The following LYPLAL1 variants were observed in gnomAD, a reference collection of about 807,000 sequenced individuals.
LYPLAL1 encodes the protein lysophospholipase like 1.
In LYPLAL1, 23 loss-of-function variants were observed where a neutral mutation model predicts 19.7. The ratio of observed to expected loss-of-function variants is 1.17; its 90% CI spans 0.84 to 1.65. The LOEUF (loss-of-function observed/expected upper bound fraction) is 1.65. LYPLAL1 is among the 40% of genes most tolerant of loss of function. LYPLAL1 has a pLI of 0.00. For missense variants in LYPLAL1, 355 were observed against 279.4 expected (o/e 1.27, Z -1.93); for synonymous variants, 119 against 96.3 (o/e 1.24, Z -1.38).
chr1:219,281,167 TGGC>T, the LYPLAL1 span, among the ~76,000 whole-genome samples: 1 of 152,230 alleles, frequency 6.6e-6, no homozygotes, highest in African/African-American at 2.4e-5. Context: ...AGGATGGGCT[TGGC>T]AGTTTGATTC....
At chr1:219,228,223 A>G in the LYPLAL1 span, among the ~76,000 whole-genome samples, 1 of 152,218 alleles carries the variant, frequency 6.6e-6, no homozygotes, top group South Asian at 2.1e-4. Context: ...TCACATGCCC[A>G]TTTCTAAACC....
At chr1:219,362,851 G>A in the LYPLAL1 span, among the ~76,000 whole-genome samples, 1 of 151,992 alleles carries the variant, frequency 6.6e-6, no homozygotes, top group Non-Finnish European at 1.5e-5. Context: ...GGAGAGGTTA[G>A]AGGAAGGAAA....
At chr1:219,178,567 A>T (rs912944360) in intron 1 of LYPLAL1, among the ~76,000 whole-genome samples, 1 of 152,188 alleles carries the variant, frequency 6.6e-6, no homozygotes, top group Non-Finnish European at 1.5e-5. Flanking sequence ...ATTAATATTT[A>T]TATGGCTTTT....
chr1:219,440,004 T>TAC, the LYPLAL1 span, among the ~76,000 whole-genome samples: 14 of 104,286 alleles, frequency 1.3e-4, no homozygotes, highest in Admixed American at 8.5e-4. Flanking sequence ...CACATATATA[T>TAC]ATATATATAC....
the LYPLAL1 span, among the ~76,000 whole-genome samples, chr1:219,438,069 A>C: frequency 6.6e-6 from 1 of 152,114 alleles, no homozygotes; most frequent in Non-Finnish European, 1.5e-5. Context: ...ACCCAGCCCT[A>C]TTTGTCTTTT....
chr1:219,407,081 A>G, the LYPLAL1 span, among the ~76,000 whole-genome samples: 2 of 152,244 alleles, frequency 1.3e-5, no homozygotes, highest in Non-Finnish European at 2.9e-5. Flanking sequence ...GGGAAAAGGA[A>G]GGCAACCAGT....
At chr1:219,416,406 A>G in the LYPLAL1 span, among the ~76,000 whole-genome samples, 16 of 152,164 alleles carry the variant, frequency 1.1e-4, no homozygotes, top group Non-Finnish European at 1.9e-4. Context: ...GGACAGGCAG[A>G]TCTCAGCCCA....
the LYPLAL1 span, among the ~76,000 whole-genome samples, chr1:219,245,325 C>T: frequency 2.0e-5 from 3 of 152,020 alleles, no homozygotes; most frequent in East Asian, 1.9e-4. Flanking sequence ...CAAGTTGCAA[C>T]TTAGAATTGC....
the LYPLAL1 span, among the ~76,000 whole-genome samples, chr1:219,346,654 T>C: frequency 2.0e-5 from 3 of 152,166 alleles, no homozygotes; most frequent in Admixed American, 6.5e-5. Context: ...CCAGGAGACC[T>C]GTGAAGACAG....
intron 3 of LYPLAL1, among the ~76,000 whole-genome samples, chr1:219,206,124 T>C (rs1248521060): frequency 1.3e-5 from 2 of 152,146 alleles, no homozygotes; most frequent in African/African-American, 2.4e-5. Flanking sequence ...GATTTTACTT[T>C]CAGATTGATT....
At chr1:219,332,530 GC>G in the LYPLAL1 span, among the ~76,000 whole-genome samples, 4 of 152,020 alleles carry the variant, frequency 2.6e-5, no homozygotes, top group Non-Finnish European at 5.9e-5. Context: ...AGTTTTATAT[GC>G]AGCAATAGAT....
chr1:219,385,434 C>G, the LYPLAL1 span, among the ~76,000 whole-genome samples: 1 of 152,200 alleles, frequency 6.6e-6, no homozygotes, highest in African/African-American at 2.4e-5. Context: ...GTTGGCCTAT[C>G]CTTGAGGTAT....
chr1:219,339,876 C>T, the LYPLAL1 span, among the ~76,000 whole-genome samples: 4 of 151,968 alleles, frequency 2.6e-5, no homozygotes, highest in Admixed American at 6.6e-5. Context: ...ACTTGACTAA[C>T]CAAAAACTCC....
the LYPLAL1 span, among the ~76,000 whole-genome samples, chr1:219,420,871 A>G: frequency 6.6e-6 from 1 of 152,182 alleles, no homozygotes; most frequent in African/African-American, 2.4e-5. Context: ...GGTGAATTTC[A>G]TATAAGTAGA....
the LYPLAL1 span, among the ~76,000 whole-genome samples, chr1:219,436,402 C>T: frequency 6.6e-6 from 1 of 152,146 alleles, no homozygotes; most frequent in South Asian, 2.1e-4. Flanking sequence ...TGTTTTCAAC[C>T]TAAAAGTTCA....
At chr1:219,252,696 TGAG>T in the LYPLAL1 span, among the ~76,000 whole-genome samples, 8 of 152,140 alleles carry the variant, frequency 5.3e-5, no homozygotes, top group African/African-American at 1.9e-4. Flanking sequence ...ATAATTTTGT[TGAG>T]GATTTTTGCA....
the LYPLAL1 span, among the ~76,000 whole-genome samples, chr1:219,301,122 T>C: frequency 4.6e-5 from 7 of 152,216 alleles, no homozygotes; most frequent in African/African-American, 1.7e-4. Context: ...GGTTGTCTTT[T>C]CAATAACGAT....
At chr1:219,419,594 C>CACACACAGAGAGAGAG in the LYPLAL1 span, among the ~76,000 whole-genome samples, 538 of 99,562 alleles carry the variant, frequency 5.4e-3, 4 homozygotes, top group African/African-American at 0.012. Flanking sequence ...CACACACACA[C>CACACACAGAGAGAGAG]AGAGAGAGAG....
At chr1:219,348,855 T>C in the LYPLAL1 span, among the ~76,000 whole-genome samples, 4 of 152,084 alleles carry the variant, frequency 2.6e-5, no homozygotes, top group Non-Finnish European at 5.9e-5. Context: ...TGGCAAAGGA[T>C]GAAAAAAAGA....
Sources: allele counts gnomAD v4.1 joint callset (sites outside exome capture counted in the v4.1 genomes callset), GRCh38; gene constraint gnomAD v4.1.1; transcripts MANE v1.5; gene names NCBI Gene and HGNC (gene_info 2026-07-23, HGNC 2026-07-21).